EHBP1: variants seen among roughly 807,000 people sequenced by gnomAD.
EHBP1 encodes EH domain binding protein 1.
In EHBP1, 55 loss-of-function variants were observed where a neutral mutation model predicts 144.0. The ratio of observed to expected loss-of-function variants is 0.38; its 90% CI spans 0.31 to 0.48. The LOEUF (loss-of-function observed/expected upper bound fraction) is 0.48. EHBP1 is among the 20% of genes least tolerant of loss of function. The pLI, the probability that EHBP1 is intolerant of heterozygous loss-of-function variation, is 0.98. For synonymous variants in EHBP1, 469 were observed against 472.7 expected, an observed-to-expected ratio of 0.99 and a Z score of 0.10; for missense variants, 1,200 against 1,364.2, an observed-to-expected ratio of 0.88 and a Z score of 1.90.
At chr2:62,932,317 A>T (rs1379042937) in intron 10 of EHBP1, among the ~76,000 whole-genome samples, 1 of 152,226 alleles carries the variant, frequency 6.6e-6, no homozygotes, top group Non-Finnish European at 1.5e-5. Context: ...AGGTGGAAGC[A>T]TTCCAAATGT....
chr2:62,793,445 T>G (rs1382464210), intron 5 of EHBP1, among the ~76,000 whole-genome samples: 1 of 152,084 alleles, frequency 6.6e-6, no homozygotes, highest in Admixed American at 6.6e-5. Context: ...ATTCACCCAG[T>G]CTTTTGCAAT....
At chr2:62,993,274 G>A (rs768379525) in intron 16 of EHBP1, among the ~76,000 whole-genome samples, 10 of 152,088 alleles carry the variant, frequency 6.6e-5, no homozygotes, top group Non-Finnish European at 1.2e-4. Flanking sequence ...GAGGCAACAT[G>A]GCTTTTAAAT....
chr2:63,037,700 C>T, intron 20 of EHBP1, 66 bp downstream of exon 20: 1 of 865,192 alleles, frequency 1.2e-6, no homozygotes, highest in South Asian at 1.8e-5. Flanking sequence ...CTTGTTATTG[C>T]CTTCTTTGGG....
chr2:62,764,278 C>G lies in EHBP1; in HGVS notation c.175C>G (p.Gln59Glu). 1.3e-6 allele frequency: 2 copies of G among 1,567,776 alleles called. No individual in the cohort carries two copies. Among genetic ancestry groups the G allele is most frequent in the South Asian group, 1.2e-5 (1 of 83,522 alleles). ...RRKSSKAHSW[Q>E]PGIKNPYRGV... ...TTTATTCTGGTAGGCACATAGCTGG[C>G]AACCTGGAATAAAAAATCCCTATCG... The change falls in exon 4 of 23, where the codon CAA becomes GAA. Residue 59 changes from glutamine to glutamate, a missense_variant. Coordinates refer to ENST00000431489, the MANE Select transcript of EHBP1 (RefSeq NM_001142616.3).
At chr2:62,956,254 C>T (rs1255128398) in intron 14 of EHBP1, 1 of 152,088 alleles carries the variant, frequency 6.6e-6, no homozygotes, top group Non-Finnish European at 1.5e-5. Context: ...TGTAGTGCTT[C>T]ACAGATAATA....
At chr2:62,720,987 AT>A (rs747846166) in intron 2 of EHBP1, among the ~76,000 whole-genome samples, 3 of 151,914 alleles carry the variant, frequency 2.0e-5, no homozygotes, top group Non-Finnish European at 2.9e-5. Context: ...TACCATTGTC[AT>A]TTATCAAAAC....
intron 15 of EHBP1, among the ~76,000 whole-genome samples, chr2:62,986,341 A>G (rs547223249): frequency 4.6e-4 from 70 of 152,070 alleles, no homozygotes; most frequent in African/African-American, 1.7e-3. Context: ...CATGTATAAT[A>G]CCTTAGCTAG....
chr2:62,861,998 A>G (rs2049594844), intron 8 of EHBP1, among the ~76,000 whole-genome samples: 1 of 152,154 alleles, frequency 6.6e-6, no homozygotes. Context: ...TGGATAGGAA[A>G]AACTTTACAG....
At chr2:62,829,576 T>C (rs1186133235) in intron 6 of EHBP1, among the ~76,000 whole-genome samples, 1 of 145,136 alleles carries the variant, frequency 6.9e-6, no homozygotes, top group African/African-American at 2.5e-5. Context: ...CTATGTTGTG[T>C]GTGTGTGTGT....
At chr2:62,944,613 T>A (rs2056958781) in intron 12 of EHBP1, among the ~76,000 whole-genome samples, 1 of 152,190 alleles carries the variant, frequency 6.6e-6, no homozygotes, top group Non-Finnish European at 1.5e-5. Flanking sequence ...AAGCAACACA[T>A]GACTATATTT....
At chr2:62,949,725 C>T (rs2057278417) in intron 13 of EHBP1, among the ~76,000 whole-genome samples, 1 of 152,088 alleles carries the variant, frequency 6.6e-6, no homozygotes, top group Admixed American at 6.5e-5. Flanking sequence ...CCCATCATTA[C>T]TTGTGGTTAA....
intron 19 of EHBP1, among the ~76,000 whole-genome samples, chr2:63,010,254 A>G (rs1399538347): frequency 6.6e-6 from 1 of 151,428 alleles, no homozygotes; most frequent in African/African-American, 2.4e-5. Flanking sequence ...AAAACACTGA[A>G]TCCAGAATTA....
chr2:62,932,240 GA>G (rs2056058135), intron 10 of EHBP1, among the ~76,000 whole-genome samples: 1 of 150,896 alleles, frequency 6.6e-6, no homozygotes, highest in African/African-American at 2.4e-5. Context: ...CAAAATAATT[GA>G]AAACAGAGTC....
At chr2:62,897,633 C>T (rs2053048241) in intron 10 of EHBP1, among the ~76,000 whole-genome samples, 1 of 152,164 alleles carries the variant, frequency 6.6e-6, no homozygotes, top group Non-Finnish European at 1.5e-5. Context: ...GCCTACTCAG[C>T]ATTTCTCCTG....
intron 5 of EHBP1, 196 bp downstream of exon 5, chr2:62,771,588 G>A (rs1159656175): frequency 2.3e-6 from 1 of 439,406 alleles, no homozygotes; most frequent in South Asian, 3.8e-5. Flanking sequence ...TATTAACACT[G>A]TAAGTCTTCA....
intron 10 of EHBP1, among the ~76,000 whole-genome samples, chr2:62,879,384 C>T (rs1008237171): frequency 2.0e-5 from 3 of 151,936 alleles, no homozygotes; most frequent in African/African-American, 7.3e-5. Flanking sequence ...TTGAGAAAAC[C>T]TCATAGTTGC....
At chr2:62,770,843 G>A (rs2041603839) in intron 4 of EHBP1, among the ~76,000 whole-genome samples, 1 of 152,206 alleles carries the variant, frequency 6.6e-6, no homozygotes, top group Admixed American at 6.5e-5. Context: ...ATGAGATCAT[G>A]CTTTTTTCTG....
intron 10 of EHBP1, among the ~76,000 whole-genome samples, chr2:62,919,430 A>G (rs1328553783): frequency 6.6e-6 from 1 of 152,236 alleles, no homozygotes; most frequent in Non-Finnish European, 1.5e-5. Flanking sequence ...CAGGTACAGA[A>G]AAGACCTGAG....
At position 62,705,745 on chromosome 2, in the gene EHBP1, G is replaced by A. The variant is rs1418121753; in HGVS notation, c.-603G>A. ...GAGGTGCGGCGGGGGAGGTAATGATGATGGTGGCGGAGGAGAAAGGCGGGG... is the reference window on the plus strand; with the variant it reads ...GAGGTGCGGCGGGGGAGGTAATGATAATGGTGGCGGAGGAGAAAGGCGGGG... On this transcript the variant is annotated 5_prime_UTR_variant, in exon 1 of 23. An upstream start codon of the reference 5' UTR is lost. Coordinates refer to ENST00000431489, the MANE Select transcript of EHBP1 (RefSeq NM_001142616.3). 1 of 152,008 alleles carries A rather than the reference G, an allele frequency of 6.6e-6. No individual in the cohort carries two copies. Among genetic ancestry groups the A allele is most frequent in the Non-Finnish European group, 1.5e-5 (1 of 68,310 alleles). 9.4% of individuals were successfully genotyped at this position (152,008 alleles called of 1,614,324 possible). A position where few individuals can be genotyped will look rare whatever the true frequency, so the allele number is the denominator to read the frequency against.
Sources: gnomAD v4.1 joint callset for allele counts (sites outside exome capture counted in the v4.1 genomes callset) on GRCh38, gnomAD v4.1.1 for gene constraint, MANE v1.5 for transcripts, NCBI Gene and HGNC (gene_info 2026-07-23, HGNC 2026-07-21) for gene names.